Variants in ZSCAN31 observed in about 807,000 individuals in gnomAD.
The protein encoded by ZSCAN31 is zinc finger and SCAN domain-containing protein 31.
In ZSCAN31, 14 loss-of-function variants were observed where a neutral mutation model predicts 22.5. The ratio of observed to expected loss-of-function variants is 0.62; its 90% CI spans 0.41 to 0.97. ZSCAN31 has a LOEUF of 0.97. ZSCAN31 is among the 50% of genes least tolerant of loss of function. ZSCAN31 has a pLI of 0.00. For missense variants in ZSCAN31, 424 were observed against 483.4 expected (o/e 0.88, Z 1.15); for synonymous variants, 168 against 169.8 (o/e 0.99, Z 0.08).
rs971064470 is a variant in ZSCAN31 at position 28,349,732 on chromosome 6, C to T, written c.-371+4130G>A. ...GCACACATAATTTAGATTCTTTTTA[C>T]TCTCTTCTATTCGCAAATATAGCAA... is the stretch of plus-strand genomic sequence containing the variant. On this transcript the variant is annotated intron_variant, in intron 2 of 7. Transcript: ENST00000396838. This position sits in a 1 kb window ranked among gnomAD's most constrained non-coding sequence, Gnocchi z 4.1. 2.0e-5 allele frequency among the ~76,000 whole-genome samples: 3 copies of T among 152,176 alleles called. No homozygotes were observed. Among genetic ancestry groups the T allele is most frequent in the African/African-American group, 7.2e-5 (3 of 41,440 alleles).
chr6:28,329,437 C>T lies in ZSCAN31; in HGVS notation c.247G>A (p.Val83Met), dbSNP rs757045861. The change falls in exon 2 of 4, where the codon GTG becomes ATG. Residue 83 changes from valine (V) to methionine (M), a missense_variant. Coordinates refer to ENST00000344279, the MANE Select transcript of ZSCAN31 (RefSeq NM_030899.5). ...HTKEQILELL[V>M]LEQFLTILPE... Reference sequence around the variant, plus strand: ...AGGATAGTCAGGAATTGCTCCAGCACCAGCAGCTCCAAGATTTGCTCTTTG... The same window carrying T: ...AGGATAGTCAGGAATTGCTCCAGCATCAGCAGCTCCAAGATTTGCTCTTTG... The T allele has an allele frequency of 1.2e-6, 2 of 1,614,228 alleles. No individual in the cohort carries two copies. The highest frequency in any genetic ancestry group is 1.7e-6 in the Non-Finnish European group (2 of 1,180,048).
chr6:28,353,920 A>G (rs1437973880), exon 2 of ZSCAN31: 1 of 455,558 alleles, frequency 2.2e-6, no homozygotes, highest in East Asian at 6.9e-5. Flanking sequence ...GAGTTGTTGG[A>G]TGGGTGGCAG....
rs1764795927 is a variant in ZSCAN31, at chr6:28,349,162, CTCATATAT to C, written c.-371+4692_-371+4699del. On this transcript the variant is annotated intron_variant, in intron 2 of 7. Transcript: ENST00000396838. The surrounding 1 kb of genome is among the most constrained non-coding windows in gnomAD (Gnocchi z 4.1). ...CTCATATATAGGTGTATATATATGT[CTCATATAT>C]ATAGGTGTATATATATGTCTCATAT... is the stretch of plus-strand genomic sequence containing the variant. 5.0e-5 allele frequency among the ~76,000 whole-genome samples: 1 copy of C among 20,134 alleles called. No homozygotes were observed. Among genetic ancestry groups the C allele is most frequent in the Non-Finnish European group, 9.5e-5 (1 of 10,482 alleles). The allele number at this position is 20,134 out of a possible 152,430, so 13.2% of individuals were successfully genotyped here. A position where few individuals can be genotyped will look rare whatever the true frequency, so the allele number is the denominator to read the frequency against.
chr6:28,331,491 A>AGACC lies in ZSCAN31; in HGVS notation c.-95-1717_-95-1714dup, dbSNP rs372085551. Among the ~76,000 whole-genome samples, 156 of 152,368 alleles carry AGACC rather than the reference A, an allele frequency of 1.0e-3. No individual in the cohort carries two copies. Among genetic ancestry groups the AGACC allele is most frequent in the African/African-American group, 3.7e-3 (153 of 41,590 alleles). On this transcript the variant is annotated intron_variant, in intron 1 of 3. Transcript: ENST00000344279. This position sits in a 1 kb window ranked among gnomAD's most constrained non-coding sequence, Gnocchi z 4.8. Reference sequence around the variant, plus strand: ...TTATGGTATTTACCATGGGAAAGACAGACCTTAATAAAATATTCACATAAA... The same window carrying AGACC: ...TTATGGTATTTACCATGGGAAAGACAGACCGACCTTAATAAAATATTCACATAAA...
chr6:28,325,942 A>C lies in ZSCAN31; in HGVS notation c.*224T>G. The C allele has an allele frequency of 2.3e-6, 1 of 440,206 alleles. No individual in the cohort carries two copies. The highest frequency in any genetic ancestry group is 4.1e-6 in the Non-Finnish European group (1 of 246,644). The allele number at this position is 440,206 out of a possible 1,614,324, so 27.3% of individuals were successfully genotyped here. ...ACCCCCTACAATCACAGTCATCCAC[A>C]CAGGAGACACCAACACCTGGTTTGT... is the stretch of plus-strand genomic sequence containing the variant. On this transcript the variant is annotated 3_prime_UTR_variant, in exon 4 of 4. Coordinates refer to ENST00000344279, the MANE Select transcript of ZSCAN31 (RefSeq NM_030899.5).
rs1764675448 is a variant in ZSCAN31, at chr6:28,347,054, TC to T, written c.-370-5263del. ...TTGCCTCACAGAAGGTTACCTTCCT[TC>T]CACCTTATACCCCTTACATCAAGGC... On this transcript the variant is annotated intron_variant, in intron 2 of 7. Transcript: ENST00000396838. The surrounding 1 kb of genome is among the most constrained non-coding windows in gnomAD (Gnocchi z 5.2). 1.3e-5 allele frequency among the ~76,000 whole-genome samples: 2 copies of T among 152,172 alleles called. No individual in the cohort carries two copies. Among genetic ancestry groups the T allele is most frequent in the South Asian group, 4.1e-4 (2 of 4,826 alleles).
upstream of ZSCAN31, among the ~76,000 whole-genome samples, chr6:28,337,573 A>C (rs1450373818): frequency 1.3e-5 from 2 of 152,220 alleles, no homozygotes; most frequent in Non-Finnish European, 2.9e-5. Flanking sequence ...TTAATTATAT[A>C]GATTCCCATT....
chr6:28,337,390 T>C (rs1764228977), upstream of ZSCAN31, among the ~76,000 whole-genome samples: 1 of 152,088 alleles, frequency 6.6e-6, no homozygotes, highest in Non-Finnish European at 1.5e-5. Flanking sequence ...TTGGCAGCCA[T>C]GTGGGGATGG....
At chr6:28,345,044 C>A (rs1372696696) in intron 2 of ZSCAN31, among the ~76,000 whole-genome samples, 6 of 148,956 alleles carry the variant, frequency 4.0e-5, no homozygotes. Context: ...ACACAGGGGG[C>A]TGAGGCAAAA....
chr6:28,334,216 G>A (rs980989388), intron 1 of ZSCAN31, among the ~76,000 whole-genome samples: 29 of 152,172 alleles, frequency 1.9e-4, no homozygotes, highest in African/African-American at 5.8e-4. Context: ...TTTAAAAAAT[G>A]TATACAAGGT....
Position 28,329,642 on chromosome 6 carries a change from T to C in ZSCAN31, c.42A>G (p.Lys14=). The part of the protein sequence containing the change: ...TEEQYDLKIV[K]VEEDPIWDQE... ...GGTCCCAGATAGGGTCTTCCTCCAC[T>C]TTCACAATCTTAAGATCGTACTGTT... Residue 14 remains lysine, a synonymous_variant, in exon 2 of 4, where the codon AAA becomes AAG. Coordinates refer to ENST00000344279, the MANE Select transcript of ZSCAN31 (RefSeq NM_030899.5). The C allele has an allele frequency of 6.2e-7, 1 of 1,614,106 alleles. No individual in the cohort carries two copies. The highest frequency in any genetic ancestry group is 8.5e-7 in the Non-Finnish European group (1 of 1,180,028).
At chr6:28,343,129 T>G (rs183424453) in intron 2 of ZSCAN31, among the ~76,000 whole-genome samples, 1 of 152,314 alleles carries the variant, frequency 6.6e-6, no homozygotes, top group East Asian at 1.9e-4. Context: ...ACAGACACTC[T>G]CTGCCTGCAT....
intron 2 of ZSCAN31, among the ~76,000 whole-genome samples, chr6:28,328,253 G>A (rs767537959): frequency 2.7e-4 from 41 of 152,106 alleles, no homozygotes; most frequent in Non-Finnish European, 3.5e-4. Context: ...GAGATCAACC[G>A]GTCTGACCAA....
At chr6:28,329,182 A>T in intron 2 of ZSCAN31, 121 bp downstream of exon 2, 1 of 1,222,482 alleles carries the variant, frequency 8.2e-7, no homozygotes, top group Non-Finnish European at 1.1e-6. Flanking sequence ...ATTAAGGTTT[A>T]GGGGTAATTT....
At chr6:28,343,779 T>C (rs1036399977) in intron 2 of ZSCAN31, among the ~76,000 whole-genome samples, 1 of 152,112 alleles carries the variant, frequency 6.6e-6, no homozygotes, top group Non-Finnish European at 1.5e-5. Context: ...CCGCCCGCCT[T>C]GGCCTCCCAA....
At chr6:28,354,584 C>T (rs1383924070), upstream of ZSCAN31, among the ~76,000 whole-genome samples, 1 of 152,154 alleles carries the variant, frequency 6.6e-6, no homozygotes, top group African/African-American at 2.4e-5. Flanking sequence ...GACACATAAG[C>T]CTGACACATA....
exon 2 of ZSCAN31, chr6:28,353,865 T>C (rs1277590266): frequency 4.4e-6 from 2 of 456,822 alleles, no homozygotes; most frequent in Non-Finnish European, 8.8e-6. Context: ...TACTTACCAC[T>C]GTCATGCCAA....
chr6:28,326,996 A>G, intron 3 of ZSCAN31, 142 bp from the exon 4 acceptor site: 1 of 880,170 alleles, frequency 1.1e-6, no homozygotes, highest in Non-Finnish European at 1.7e-6. Flanking sequence ...GTTGGGTTAA[A>G]CAGGGATGTT....
Position 28,347,324 on chromosome 6 carries a change from G to A in ZSCAN31, c.-370-5532C>T, listed in dbSNP as rs890122376. On this transcript the variant is annotated intron_variant, in intron 2 of 7. Transcript: ENST00000396838. The surrounding 1 kb of genome is among the most constrained non-coding windows in gnomAD (Gnocchi z 5.2). ...TGGCTCCCTTGCTGTTTCCTCTACC[G>A]GGAACACTTCCTTAGATATGCACAG... Among the ~76,000 whole-genome samples, 5 of 152,054 alleles carry A rather than the reference G, an allele frequency of 3.3e-5. No individual in the cohort carries two copies. Among genetic ancestry groups the A allele is most frequent in the African/African-American group, 7.3e-5 (3 of 41,376 alleles).
Sources: gnomAD v4.1 joint callset for allele counts (sites outside exome capture counted in the v4.1 genomes callset) on GRCh38, gnomAD v4.1.1 for gene constraint, Gnocchi (gnomAD v3.1) non-coding constraint, MANE v1.5 for transcripts, NCBI Gene and HGNC (gene_info 2026-07-23, HGNC 2026-07-21) for gene names.